The following PRELID2 variants were observed in gnomAD, a reference collection of about 807,000 sequenced individuals.
PRELID2 encodes PRELI domain-containing protein 2.
Under a neutral mutation model 28.4 loss-of-function variants are expected in PRELID2, and 25 were observed. The ratio of observed to expected loss-of-function variants is 0.88; its 90% CI spans 0.64 to 1.23. PRELID2 has a LOEUF of 1.23. PRELID2 is among the 50% of genes most tolerant of loss of function. The pLI, the probability that PRELID2 is intolerant of heterozygous loss-of-function variation, is 0.00. For missense variants in PRELID2, 201 were observed against 214.4 expected (o/e 0.94, Z 0.39); for synonymous variants, 76 against 71.6 (o/e 1.06, Z -0.31).
intron 1 of PRELID2, among the ~76,000 whole-genome samples, chr5:145,594,266 C>T (rs1441513168): frequency 6.6e-6 from 1 of 152,208 alleles, no homozygotes; most frequent in East Asian, 1.9e-4. Context: ...CCTATTTCCC[C>T]ACACCCATAC....
chr5:145,829,885 T>C (rs1322884609), intron 1 of PRELID2, among the ~76,000 whole-genome samples: 1 of 152,220 alleles, frequency 6.6e-6, no homozygotes, highest in African/African-American at 2.4e-5. Flanking sequence ...TAAATGGAAA[T>C]AGCCCTTCAT....
chr5:145,781,887 G>A (rs984051416), intron 5 of PRELID2, among the ~76,000 whole-genome samples: 2 of 151,652 alleles, frequency 1.3e-5, no homozygotes, highest in African/African-American at 4.8e-5. Context: ...AGGTTTATAC[G>A]AGGTACATGA....
chr5:145,459,397 A>C, the PRELID2 span, among the ~76,000 whole-genome samples: 1 of 152,080 alleles, frequency 6.6e-6, no homozygotes, highest in Non-Finnish European at 1.5e-5. Flanking sequence ...AATTGGTTAG[A>C]TTTCTTAAGC....
the PRELID2 span, among the ~76,000 whole-genome samples, chr5:145,392,804 G>T: frequency 6.6e-6 from 1 of 152,084 alleles, no homozygotes; most frequent in Non-Finnish European, 1.5e-5. Context: ...ACATGAACAC[G>T]AATGTTCTTC....
intron 1 of PRELID2, among the ~76,000 whole-genome samples, chr5:145,726,251 G>A (rs1334851602): frequency 7.4e-6 from 1 of 135,708 alleles, no homozygotes; most frequent in Non-Finnish European, 1.6e-5. Flanking sequence ...GAGGGAGGGA[G>A]GGAGGGACGG....
At chr5:145,704,890 A>T (rs2149705606) in intron 1 of PRELID2, among the ~76,000 whole-genome samples, 1 of 152,332 alleles carries the variant, frequency 6.6e-6, no homozygotes, top group South Asian at 2.1e-4. Flanking sequence ...GTGCAAAGAG[A>T]TTAAAAAGCA....
intron 1 of PRELID2, among the ~76,000 whole-genome samples, chr5:145,589,445 C>T (rs1318208898): frequency 1.3e-5 from 2 of 152,016 alleles, no homozygotes; most frequent in Non-Finnish European, 2.9e-5. Flanking sequence ...TACCACCACA[C>T]TCTCGGTAGA....
rs960285659 is a variant in PRELID2 at position 145,808,568 on chromosome 5, T to C, written c.368+9326A>G. Among the ~76,000 whole-genome samples, 3 of 152,232 alleles carry C rather than the reference T, an allele frequency of 2.0e-5. No individual in the cohort carries two copies. In the South Asian group the frequency reaches 6.2e-4, roughly 32 times the overall value. ...GAAGAATATTCATGAGTAATTTCAGTAGTAATGAAAATGTATTGACCCAAC... is the reference window on the plus strand; with the variant it reads ...GAAGAATATTCATGAGTAATTTCAGCAGTAATGAAAATGTATTGACCCAAC... On this transcript the variant is annotated intron_variant, in intron 4 of 6. Coordinates refer to ENST00000683046, the MANE Select transcript of PRELID2 (RefSeq NM_205846.3).
intron 4 of PRELID2, among the ~76,000 whole-genome samples, chr5:145,806,184 G>A (rs1053090287): frequency 2.0e-5 from 3 of 151,780 alleles, no homozygotes; most frequent in Admixed American, 6.6e-5. Context: ...CTTTATAAAC[G>A]TTTTCATTTT....
At chr5:145,465,088 T>G in the PRELID2 span, among the ~76,000 whole-genome samples, 1 of 152,132 alleles carries the variant, frequency 6.6e-6, no homozygotes, top group Non-Finnish European at 1.5e-5. Flanking sequence ...AATTAATGCC[T>G]TCCACCTGTT....
intron 2 of PRELID2, 34 bp from the exon 3 acceptor site, chr5:145,820,052 TAAAG>T (rs1754658405): frequency 1.6e-6 from 2 of 1,239,858 alleles, no homozygotes; most frequent in African/African-American, 3.0e-5. Flanking sequence ...AAAAAAAAAT[TAAAG>T]AAATGTGTTC....
chr5:145,743,700 A>C (rs1232135500), intron 1 of PRELID2, among the ~76,000 whole-genome samples: 3 of 152,178 alleles, frequency 2.0e-5, no homozygotes, highest in Non-Finnish European at 4.4e-5. Context: ...GGAAGATCCC[A>C]CTGGCGAAAC....
At chr5:145,336,345 G>A in the PRELID2 span, among the ~76,000 whole-genome samples, 1 of 151,194 alleles carries the variant, frequency 6.6e-6, no homozygotes, top group Non-Finnish European at 1.5e-5. Flanking sequence ...TGAAGTCCTT[G>A]CCCATGCCTA....
chr5:145,396,098 C>T, the PRELID2 span, among the ~76,000 whole-genome samples: 13 of 152,174 alleles, frequency 8.5e-5, no homozygotes, highest in African/African-American at 2.7e-4. Context: ...TGTCCACCAA[C>T]ATTACGGGCA....
the PRELID2 span, among the ~76,000 whole-genome samples, chr5:145,289,567 C>A: frequency 6.6e-6 from 1 of 152,156 alleles, no homozygotes; most frequent in East Asian, 1.9e-4. Flanking sequence ...TATTTGCATG[C>A]AGACATCTGT....
At chr5:145,732,594 G>A (rs1023467562) in intron 1 of PRELID2, among the ~76,000 whole-genome samples, 5 of 152,280 alleles carry the variant, frequency 3.3e-5, no homozygotes. Flanking sequence ...AGTCACATGA[G>A]CCTGACATTC....
At chr5:145,535,360 AT>A (rs986922284) in intron 1 of PRELID2, among the ~76,000 whole-genome samples, 68 of 151,882 alleles carry the variant, frequency 4.5e-4, no homozygotes, top group African/African-American at 1.6e-3. Flanking sequence ...CACACAGCTA[AT>A]TAAGAACACA....
At chr5:145,511,390 T>C (rs1752459887) in intron 1 of PRELID2, among the ~76,000 whole-genome samples, 2 of 152,198 alleles carry the variant, frequency 1.3e-5, no homozygotes, top group African/African-American at 2.4e-5. Flanking sequence ...TTATCCTCAC[T>C]ACACAAATGG....
chr5:145,600,434 A>ATATATATATATATATATATAT (rs1554078383), intron 1 of PRELID2, among the ~76,000 whole-genome samples: 1 of 120,116 alleles, frequency 8.3e-6, no homozygotes, highest in African/African-American at 4.1e-5. Flanking sequence ...AAAAAAAAAA[A>ATATATATATATATATATATAT]ATATATATAT....
Sources: allele counts gnomAD v4.1 joint callset (sites outside exome capture counted in the v4.1 genomes callset), GRCh38; gene constraint gnomAD v4.1.1; transcripts MANE v1.5; gene names NCBI Gene and HGNC (gene_info 2026-07-23, HGNC 2026-07-21).